SLC4A4: variants seen among roughly 807,000 people sequenced by gnomAD.
The protein encoded by SLC4A4 is electrogenic sodium bicarbonate cotransporter 1.
Under a neutral mutation model 111.5 loss-of-function variants are expected in SLC4A4, and 27 were observed. That is an observed-to-expected ratio of 0.24 (90% CI 0.18 to 0.33). The LOEUF is 0.33. Ranked by LOEUF, SLC4A4 falls within the 10% of genes least tolerant of loss-of-function variation. SLC4A4 has a pLI of 1.00. For synonymous variants in SLC4A4, 443 were observed against 463.4 expected, an observed-to-expected ratio of 0.96 and a Z score of 0.57; for missense variants, 909 against 1,315.5, an observed-to-expected ratio of 0.69 and a Z score of 4.78.
At chr4:71,375,347 T>G (rs755349081) in intron 6 of SLC4A4, among the ~76,000 whole-genome samples, 48 of 152,330 alleles carry the variant, frequency 3.2e-4, no homozygotes, top group South Asian at 1.9e-3. Flanking sequence ...TTCACACATC[T>G]TTCTGTATTT....
chr4:71,503,259 A>G (rs1416517085), intron 16 of SLC4A4, among the ~76,000 whole-genome samples: 1 of 142,666 alleles, frequency 7.0e-6, no homozygotes, highest in African/African-American at 2.6e-5. Flanking sequence ...TTTTTTGTCC[A>G]TTCATTCCCT....
At chr4:71,430,497 G>T (rs1392538447) in intron 7 of SLC4A4, among the ~76,000 whole-genome samples, 1 of 152,078 alleles carries the variant, frequency 6.6e-6, no homozygotes, top group East Asian at 1.9e-4. Flanking sequence ...TTAACCTGCT[G>T]TTCCTCACAT....
chr4:71,212,469 A>G (rs1194193282), intron 1 of SLC4A4, among the ~76,000 whole-genome samples: 3 of 152,202 alleles, frequency 2.0e-5, no homozygotes, highest in Non-Finnish European at 2.9e-5. Context: ...GAGGGTGAAT[A>G]CCAGTGCTGA....
At chr4:71,417,787 T>A (rs1231931721) in intron 7 of SLC4A4, among the ~76,000 whole-genome samples, 1 of 152,214 alleles carries the variant, frequency 6.6e-6, no homozygotes, top group African/African-American at 2.4e-5. Flanking sequence ...AAGGCTCTGG[T>A]ATTTCAGGAA....
intron 3 of SLC4A4, among the ~76,000 whole-genome samples, chr4:71,287,442 CT>C (rs1724007108): frequency 6.6e-6 from 1 of 152,124 alleles, no homozygotes; most frequent in Admixed American, 6.5e-5. Flanking sequence ...TAGGATTGGC[CT>C]GTGTTTTATA....
chr4:71,567,693 A>G (rs1219947649), intron 25 of SLC4A4, 95 bp from the exon 26 acceptor site: 1 of 583,864 alleles, frequency 1.7e-6, no homozygotes, highest in Admixed American at 3.6e-5. Context: ...AGAACAAAGA[A>G]GGACACATTT....
chr4:71,153,660 A>G (rs777646676), intron 2 of SLC4A4, among the ~76,000 whole-genome samples: 9 of 152,138 alleles, frequency 5.9e-5, no homozygotes, highest in Non-Finnish European at 1.2e-4. Flanking sequence ...TAGGCACTCA[A>G]TATGTCTTGG....
At chr4:71,172,501 G>A (rs560512540) in intron 2 of SLC4A4, among the ~76,000 whole-genome samples, 5 of 152,212 alleles carry the variant, frequency 3.3e-5, no homozygotes, top group East Asian at 1.9e-4. Context: ...TGATCTGCCC[G>A]CCTCAGCCTC....
intron 3 of SLC4A4, among the ~76,000 whole-genome samples, chr4:71,309,682 C>A (rs1725978697): frequency 6.6e-6 from 1 of 152,170 alleles, no homozygotes; most frequent in Admixed American, 6.5e-5. Context: ...CAAATGTCAT[C>A]AGTCTCAAGG....
rs529797426 is a variant in SLC4A4 at position 71,086,267 on chromosome 4, T to A, written c.-64-6463T>A. On this transcript the variant is annotated intron_variant, in intron 1 of 26. Transcript: ENST00000649996. ...GCATATTGATTTTGTATCCTGAGAC[T>A]TTGCTGAAGTTGCTTATCAGCTTAA... 8.1e-5 allele frequency among the ~76,000 whole-genome samples: 12 copies of A among 148,282 alleles called. No individual in the cohort carries two copies. The East Asian group carries it at 2.3e-3, about 29-fold the overall frequency.
chr4:71,096,580 C>T (rs1742561524), intron 2 of SLC4A4, among the ~76,000 whole-genome samples: 2 of 152,078 alleles, frequency 1.3e-5, no homozygotes, highest in Admixed American at 6.6e-5. Context: ...TGCAAAAAAT[C>T]CATGATGAAC....
At chr4:71,326,730 G>T (rs979602944) in intron 3 of SLC4A4, among the ~76,000 whole-genome samples, 4 of 151,962 alleles carry the variant, frequency 2.6e-5, no homozygotes, top group Non-Finnish European at 4.4e-5. Context: ...ATTTGGTTTA[G>T]GTCTGAGCAC....
At chr4:71,205,426 A>G (rs1717692220) in intron 1 of SLC4A4, among the ~76,000 whole-genome samples, 1 of 152,192 alleles carries the variant, frequency 6.6e-6, no homozygotes, top group African/African-American at 2.4e-5. Flanking sequence ...CCCATCCCCC[A>G]AATCAGAAGT....
chr4:71,292,062 G>T (rs1033145058), intron 3 of SLC4A4, among the ~76,000 whole-genome samples: 2 of 151,604 alleles, frequency 1.3e-5, no homozygotes, highest in African/African-American at 4.8e-5. Flanking sequence ...AATTATTGTT[G>T]ACTATAAAAA....
intron 7 of SLC4A4, among the ~76,000 whole-genome samples, chr4:71,409,080 G>A (rs1382377987): frequency 6.6e-6 from 1 of 152,164 alleles, no homozygotes; most frequent in East Asian, 1.9e-4. Context: ...GGGCCTCCCA[G>A]GCATGTGGAA....
chr4:71,424,477 C>T (rs1285942478), intron 7 of SLC4A4, among the ~76,000 whole-genome samples: 1 of 151,912 alleles, frequency 6.6e-6, no homozygotes, highest in Non-Finnish European at 1.5e-5. Flanking sequence ...TTGACCCAGC[C>T]ATCCCATTAG....
At chr4:71,357,269 A>T (rs1474643163) in intron 6 of SLC4A4, 82 bp downstream of exon 6, 5 of 1,382,694 alleles carry the variant, frequency 3.6e-6, no homozygotes, top group Non-Finnish European at 5.1e-6. Flanking sequence ...CTTTGTTTTA[A>T]CCCTTCTCCA....
chr4:71,208,457 T>A (rs924361909), intron 1 of SLC4A4, among the ~76,000 whole-genome samples: 1 of 149,570 alleles, frequency 6.7e-6, no homozygotes, highest in Non-Finnish European at 1.5e-5. Context: ...TATATATATA[T>A]AATAAAACAA....
intron 14 of SLC4A4, among the ~76,000 whole-genome samples, chr4:71,479,656 C>T (rs1277242477): frequency 6.6e-6 from 1 of 151,682 alleles, no homozygotes; most frequent in African/African-American, 2.4e-5. Flanking sequence ...AAATCATAAA[C>T]TAATGGTAAA....
Sources: gnomAD v4.1 joint callset for allele counts (sites outside exome capture counted in the v4.1 genomes callset) on GRCh38, gnomAD v4.1.1 for gene constraint, MANE v1.5 for transcripts, NCBI Gene and HGNC (gene_info 2026-07-23, HGNC 2026-07-21) for gene names.